RFX7: variants seen among roughly 807,000 people sequenced by gnomAD.
The protein encoded by RFX7 is regulatory factor X7.
Under a neutral mutation model 111.8 loss-of-function variants are expected in RFX7, and 26 were observed. That is an observed-to-expected ratio of 0.23 (90% confidence interval 0.17 to 0.32). The LOEUF (loss-of-function observed/expected upper bound fraction) is 0.32. Among genes scored for constraint, RFX7 ranks in the 10% least tolerant of loss-of-function variants. The pLI, the probability that RFX7 is intolerant of heterozygous loss-of-function variation, is 1.00. For missense variants in RFX7, 1,573 were observed against 1,772.9 expected (o/e 0.89, Z 2.02); for synonymous variants, 624 against 624.4 (o/e 1.00, Z 0.01).
rs2041708290 is a variant in RFX7, at chr15:56,098,240, TTGC to T, written c.945_947del (p.Gln316del). ...GCAAAGGGGATTGTAGTTTCTGTTC[TTGC>T]TGCTTCTTCTGGATTTTCCGTTGCA... On this transcript the variant is annotated inframe_deletion, in exon 9 of 10. Transcript: ENST00000559447. 6.2e-7 allele frequency: 1 copy of T among 1,613,878 alleles called. No homozygotes were observed. Among genetic ancestry groups the T allele is most frequent in the African/African-American group, 1.3e-5 (1 of 74,942 alleles).
chr15:56,132,710 A>G (rs2042235124), intron 5 of RFX7, among the ~76,000 whole-genome samples: 2 of 152,144 alleles, frequency 1.3e-5, no homozygotes, highest in African/African-American at 2.4e-5. Flanking sequence ...AAAATTAACT[A>G]AAATTAACAA....
intron 3 of RFX7, among the ~76,000 whole-genome samples, chr15:56,161,040 A>G (rs1259135945): frequency 3.3e-5 from 5 of 152,142 alleles, no homozygotes; most frequent in Non-Finnish European, 7.4e-5. Flanking sequence ...AATTAGGTAT[A>G]TAAATGAAAA....
intron 5 of RFX7, among the ~76,000 whole-genome samples, chr15:56,139,600 CCTT>C (rs1465271353): frequency 1.3e-5 from 2 of 152,220 alleles, no homozygotes; most frequent in African/African-American, 2.4e-5. Flanking sequence ...TCGTCTGAAG[CCTT>C]CTTCTCTCTG....
chr15:56,157,337 T>C (rs1298177831), intron 3 of RFX7, among the ~76,000 whole-genome samples: 1 of 152,196 alleles, frequency 6.6e-6, no homozygotes, highest in Non-Finnish European at 1.5e-5. Flanking sequence ...AGTTTAAAAA[T>C]TTTGTTTTTC....
intron 5 of RFX7, among the ~76,000 whole-genome samples, chr15:56,124,991 T>C (rs1224235426): frequency 6.6e-6 from 1 of 152,230 alleles, no homozygotes; most frequent in East Asian, 1.9e-4. Context: ...GTTTTGGTCT[T>C]ACATTTATGT....
In RFX7 at chr15:56,243,127, G is replaced by A; in HGVS notation, c.159C>T (p.Ile53=). The A allele has an allele frequency of 1.5e-6, 2 of 1,361,784 alleles. No homozygotes were observed. The highest frequency in any genetic ancestry group is 2.0e-6 in the Non-Finnish European group (2 of 1,019,920). 84.4% of individuals were successfully genotyped at this position (1,361,784 alleles called of 1,614,324 possible). The change falls in exon 2 of 10, where the codon ATC becomes ATT. Residue 53 remains isoleucine, a splice_region_variant and synonymous_variant. Transcript: ENST00000559447. ...CGAGCGATGGAGGATCCTCTTACCA[G>A]ATGGAGTTCTTGATCTTGTGTTGCA... The part of the protein sequence containing the change: ...SALQHKIKNS[I]CKTVQSKVDC...
At chr15:56,149,691 C>T (rs1007744374) in intron 3 of RFX7, among the ~76,000 whole-genome samples, 1 of 152,144 alleles carries the variant, frequency 6.6e-6, no homozygotes, top group South Asian at 2.1e-4. Flanking sequence ...CCATGGTCTT[C>T]GTAACCCACA....
chr15:56,216,912 T>C (rs1462134914), intron 2 of RFX7, among the ~76,000 whole-genome samples: 3 of 152,138 alleles, frequency 2.0e-5, no homozygotes, highest in Admixed American at 6.5e-5. Flanking sequence ...TGTCAGCCTA[T>C]AGAGTAGCAA....
intron 3 of RFX7, among the ~76,000 whole-genome samples, chr15:56,174,592 C>A (rs1595986964): frequency 6.6e-6 from 1 of 151,784 alleles, no homozygotes; most frequent in Non-Finnish European, 1.5e-5. Flanking sequence ...ACTAAAAATA[C>A]AAAAATTAGT....
rs2042301152 is a variant in RFX7 at position 56,136,251 on chromosome 15, T to G, written c.401+6527A>C. ...TATTGATTCTTCCTACCCATGAGCA[T>G]GGAATGTTCTTCCATTTGTTTGTAT... On this transcript the variant is annotated intron_variant, in intron 5 of 9. Transcript: ENST00000559447. Among the ~76,000 whole-genome samples the G allele has an allele frequency of 2.8e-5, 4 of 145,234 alleles. No homozygotes were observed. The South Asian group carries it at 9.5e-4, about 34-fold the overall frequency.
intron 5 of RFX7, among the ~76,000 whole-genome samples, chr15:56,124,613 T>A (rs2042119490): frequency 6.6e-6 from 1 of 152,220 alleles, no homozygotes; most frequent in Non-Finnish European, 1.5e-5. Context: ...TGATTAGTGA[T>A]GTTGAGCATT....
chr15:56,098,115 C>G lies in RFX7; in HGVS notation c.1073G>C (p.Gly358Ala). 6.2e-7 allele frequency: 1 copy of G among 1,613,852 alleles called. No individual in the cohort carries two copies. Among genetic ancestry groups the G allele is most frequent in the Non-Finnish European group, 8.5e-7 (1 of 1,179,818 alleles). ...NPSILSPQPI[G>A]IVVAAVPSPI... Reference sequence around the variant, plus strand: ...ACTAGGGACAGCTGCCACAACGATACCAATAGGTTGAGGAGAAAGGATTGA... The same window carrying G: ...ACTAGGGACAGCTGCCACAACGATAGCAATAGGTTGAGGAGAAAGGATTGA... Residue 358 changes from glycine (G) to alanine (A), a missense_variant, in exon 9 of 10, where the codon GGT becomes GCT. By Grantham distance (60) the Gly-to-Ala change is moderately conservative. This residue lies in a region of RFX7 where 288 missense variants were observed against 337.9 expected (regional missense o/e 0.85). Transcript: ENST00000559447.
chr15:56,141,271 C>A (rs2042388633), intron 5 of RFX7, among the ~76,000 whole-genome samples: 1 of 147,222 alleles, frequency 6.8e-6, no homozygotes, highest in African/African-American at 2.5e-5. Context: ...TCGCTTGAGC[C>A]CTGGGGGTGG....
chr15:56,199,931 G>C (rs1336120434), intron 2 of RFX7, among the ~76,000 whole-genome samples: 4 of 152,110 alleles, frequency 2.6e-5, no homozygotes, highest in African/African-American at 4.8e-5. Flanking sequence ...AAAATGACTT[G>C]TACAAGGTCA....
At chr15:56,220,901 A>T (rs2043420127) in intron 2 of RFX7, among the ~76,000 whole-genome samples, 1 of 152,232 alleles carries the variant, frequency 6.6e-6, no homozygotes, top group Non-Finnish European at 1.5e-5. Context: ...GCATATGGCT[A>T]GCCAGTTATC....
At position 56,096,469 on chromosome 15, in the gene RFX7, C is replaced by A. The variant is rs2041679404; in HGVS notation, c.1259G>T (p.Gly420Val). 2 of 1,611,524 alleles carry A rather than the reference C, an allele frequency of 1.2e-6. No homozygotes were observed. The highest frequency in any genetic ancestry group is 1.7e-4 in the Middle Eastern group (1 of 6,060). Residue 420 changes from glycine to valine, a missense_variant, in exon 10 of 10, where the codon GGT (glycine) becomes GTT (valine). Gly to Val is a moderately radical substitution (Grantham distance 109, BLOSUM62 -3). Around this residue, in one of 7 missense-constraint regions of RFX7, gnomAD observed 288 missense variants for 337.9 expected, o/e 0.85. Transcript: ENST00000559447. ...KTPQNVPASP[G>V]GDRSARHRYP... ...ACGGTGCCGGGCAGAACGATCCCCA[C>A]CAGGACTGGCTGGAACGTTCTGGGG...
chr15:56,201,982 G>C (rs1020319248), intron 2 of RFX7, among the ~76,000 whole-genome samples: 1 of 152,154 alleles, frequency 6.6e-6, no homozygotes, highest in African/African-American at 2.4e-5. Context: ...AGTGAGCTGA[G>C]ATCGCGTCAC....
Position 56,136,719 on chromosome 15 carries a change from T to C in RFX7, c.401+6059A>G, listed in dbSNP as rs199902871. Among the ~76,000 whole-genome samples, 146 of 147,336 alleles carry C rather than the reference T, an allele frequency of 9.9e-4. 3 individuals are homozygous for C. In the East Asian group the frequency reaches 0.024, roughly 24 times the overall value. On this transcript the variant is annotated intron_variant, in intron 5 of 9. Coordinates refer to ENST00000559447, the MANE Select transcript of RFX7 (RefSeq NM_022841.7). ...CAGTTTTCAAAGGGAATGCTTCCAG[T>C]TTTTGCCCATTCAGTATGATATTGG...
chr15:56,101,287 CTT>C, intron 8 of RFX7, 70 bp downstream of exon 8: 1 of 1,292,464 alleles, frequency 7.7e-7, no homozygotes, highest in Non-Finnish European at 1.1e-6. Flanking sequence ...TGATCTAACT[CTT>C]CTTTTGCTAC....
Sources: gnomAD v4.1 joint callset for allele counts (sites outside exome capture counted in the v4.1 genomes callset) on GRCh38, gnomAD v4.1.1 for gene constraint, gnomAD v4.1.1 regional missense constraint, MANE v1.5 for transcripts, NCBI Gene and HGNC (gene_info 2026-07-23, HGNC 2026-07-21) for gene names.